Variants in RBFOX1 observed in about 807,000 individuals in gnomAD.
RBFOX1 encodes the protein RNA binding protein fox-1 homolog 1.
A neutral mutation model predicts 57.7 loss-of-function variants in RBFOX1; 8 were observed. That is an observed-to-expected ratio of 0.14 (90% CI 0.08 to 0.25). RBFOX1 has a LOEUF of 0.25. RBFOX1 is among the 10% of genes least tolerant of loss of function. The pLI is 1.00. For synonymous variants in RBFOX1, 326 were observed against 222.4 expected, an observed-to-expected ratio of 1.47 and a Z score of -4.15; for missense variants, 611 against 548.5, an observed-to-expected ratio of 1.11 and a Z score of -1.14.
At chr16:6,685,329 G>T (rs1184311940) in intron 3 of RBFOX1, among the ~76,000 whole-genome samples, 1 of 143,200 alleles carries the variant, frequency 7.0e-6, no homozygotes, top group East Asian at 2.0e-4. Flanking sequence ...AGGCCGGAGT[G>T]CAGTGGCTGG....
At chr16:5,507,505 C>T (rs1034405659) in intron 2 of RBFOX1, among the ~76,000 whole-genome samples, 3 of 152,128 alleles carry the variant, frequency 2.0e-5, no homozygotes, top group Non-Finnish European at 4.4e-5. Flanking sequence ...CAGAGAGCCA[C>T]GTACTCTGTT....
chr16:5,473,102 C>T (rs1482804564), intron 2 of RBFOX1, among the ~76,000 whole-genome samples: 1 of 152,236 alleles, frequency 6.6e-6, no homozygotes, highest in Non-Finnish European at 1.5e-5. Flanking sequence ...CTGGCTCAAA[C>T]ATGCCCCTTT....
At chr16:6,897,981 T>A (rs1382593482) in intron 3 of RBFOX1, among the ~76,000 whole-genome samples, 1 of 152,154 alleles carries the variant, frequency 6.6e-6, no homozygotes, top group Non-Finnish European at 1.5e-5. Flanking sequence ...TTAAGGTCTG[T>A]AACTCTGCTA....
chr16:5,897,256 C>T (rs1044585220), intron 4 of RBFOX1, among the ~76,000 whole-genome samples: 1 of 151,084 alleles, frequency 6.6e-6, no homozygotes, highest in Non-Finnish European at 1.5e-5. Flanking sequence ...AGGATGGTCT[C>T]GATCTCCTGA....
intron 2 of RBFOX1, among the ~76,000 whole-genome samples, chr16:6,589,759 A>C (rs985776083): frequency 7.2e-5 from 11 of 152,218 alleles, no homozygotes; most frequent in African/African-American, 2.7e-4. Context: ...TTTCAAAATT[A>C]AACTATAAAC....
intron 2 of RBFOX1, among the ~76,000 whole-genome samples, chr16:5,524,659 G>C (rs116073521): frequency 0.053 from 7,996 of 151,718 alleles, 215 homozygotes; most frequent in East Asian, 0.11. Flanking sequence ...TCCTGCCTCA[G>C]CCTTCCAAGT....
chr16:5,676,544 TTGAA>T (rs1371068453), intron 3 of RBFOX1, among the ~76,000 whole-genome samples: 1 of 152,172 alleles, frequency 6.6e-6, no homozygotes, highest in Non-Finnish European at 1.5e-5. Flanking sequence ...GTTGTGAGGA[TTGAA>T]TGAGATTGTG....
At chr16:7,507,565 C>CTTTTTTTTTT (rs3030308) in intron 4 of RBFOX1, among the ~76,000 whole-genome samples, 1 of 132,558 alleles carries the variant, frequency 7.5e-6, no homozygotes, top group African/African-American at 2.9e-5. Context: ...TTCTTTCTTT[C>CTTTTTTTTTT]TTTTTTTTTT....
chr16:6,940,805 TG>T (rs2078268484), intron 3 of RBFOX1, among the ~76,000 whole-genome samples: 6 of 117,338 alleles, frequency 5.1e-5, no homozygotes, highest in African/African-American at 1.1e-4. Flanking sequence ...TGTGTGTGTG[TG>T]TGTGTAGCTG....
intron 3 of RBFOX1, among the ~76,000 whole-genome samples, chr16:6,755,280 C>T (rs12924340): frequency 0.18 from 26,776 of 152,062 alleles, 2,369 homozygotes; most frequent in Middle Eastern, 0.2. Context: ...ATCGCCACAC[C>T]GACTTCCACA....
rs531990381 is a variant in RBFOX1 at position 6,146,416 on chromosome 16, GC to G, written c.-127+126425del. ...AACCTCAACACTATTGACATTTGGG[GC>G]TAGATGATTTTCACTGTGGGAGCTG... On this transcript the variant is annotated intron_variant, in intron 1 of 15. Transcript: ENST00000550418. Among the ~76,000 whole-genome samples the G allele has an allele frequency of 2.7e-3, 410 of 152,278 alleles. 1 individual carries two copies. The highest frequency in any genetic ancestry group is 4.4e-3 in the Non-Finnish European group (302 of 68,028).
chr16:6,575,029 C>G (rs1466692084), intron 2 of RBFOX1, among the ~76,000 whole-genome samples: 1 of 112,984 alleles, frequency 8.9e-6, no homozygotes. Context: ...CAGAGCGAGA[C>G]TCCGTCTCAA....
chr16:6,508,038 A>G (rs576038564), intron 2 of RBFOX1, among the ~76,000 whole-genome samples: 2 of 152,368 alleles, frequency 1.3e-5, no homozygotes, highest in South Asian at 2.1e-4. Context: ...CAGCCATAAA[A>G]AAGAAAAAGA....
intron 4 of RBFOX1, among the ~76,000 whole-genome samples, chr16:7,343,392 C>T (rs183921892): frequency 5.9e-5 from 9 of 152,104 alleles, no homozygotes; most frequent in African/African-American, 2.2e-4. Context: ...TGACAGGGGG[C>T]GGGACCAGAG....
At chr16:6,044,691 A>C (rs1448561448) in intron 1 of RBFOX1, among the ~76,000 whole-genome samples, 1 of 152,124 alleles carries the variant, frequency 6.6e-6, no homozygotes, top group Non-Finnish European at 1.5e-5. Context: ...TGCGGAAACT[A>C]TTATATAATG....
chr16:5,701,222 G>C (rs1394411096), intron 3 of RBFOX1, among the ~76,000 whole-genome samples: 1 of 152,208 alleles, frequency 6.6e-6, no homozygotes, highest in Non-Finnish European at 1.5e-5. Context: ...AGACTATGCT[G>C]TTTCAGCTTT....
At chr16:6,665,620 C>A (rs1457195827) in intron 3 of RBFOX1, among the ~76,000 whole-genome samples, 1 of 119,968 alleles carries the variant, frequency 8.3e-6, no homozygotes, top group Non-Finnish European at 1.8e-5. Flanking sequence ...AGTGAAACTC[C>A]ATCTCCAAAA....
chr16:6,163,294 G>T (rs1041738062), intron 1 of RBFOX1, among the ~76,000 whole-genome samples: 2 of 152,180 alleles, frequency 1.3e-5, no homozygotes, highest in Non-Finnish European at 2.9e-5. Context: ...CAGAGAATGA[G>T]TGTCAAGGCA....
chr16:7,269,547 T>G (rs982277004), intron 4 of RBFOX1, among the ~76,000 whole-genome samples: 1 of 152,192 alleles, frequency 6.6e-6, no homozygotes, highest in African/African-American at 2.4e-5. Flanking sequence ...GTATAATTTT[T>G]TACTTGGTAT....
Sources: gnomAD v4.1 joint callset for allele counts (sites outside exome capture counted in the v4.1 genomes callset) on GRCh38, gnomAD v4.1.1 for gene constraint, MANE v1.5 for transcripts, NCBI Gene and HGNC (gene_info 2026-07-23, HGNC 2026-07-21) for gene names.